The following LRRC1 variants were observed in gnomAD, a reference collection of about 807,000 sequenced individuals.
LRRC1 encodes leucine rich repeat containing 1.
Under a neutral mutation model 69.9 loss-of-function variants are expected in LRRC1, and 28 were observed. The ratio of observed to expected loss-of-function variants is 0.40; its 90% CI spans 0.30 to 0.55. LRRC1 has a LOEUF of 0.55. Among genes scored for constraint, LRRC1 ranks in the 20% least tolerant of loss-of-function variants. The pLI is 0.47. For synonymous variants in LRRC1, 236 were observed against 240.2 expected (o/e 0.98, Z 0.16); for missense variants, 498 against 609.0 (o/e 0.82, Z 1.92).
intron 9 of LRRC1, among the ~76,000 whole-genome samples, chr6:53,903,926 C>T (rs1439637075): frequency 1.3e-5 from 2 of 152,222 alleles, no homozygotes; most frequent in South Asian, 2.1e-4. Flanking sequence ...ACCTTTCTCC[C>T]ATCCCCATAG....
At chr6:53,863,880 C>T (rs1487810165) in intron 2 of LRRC1, among the ~76,000 whole-genome samples, 1 of 152,150 alleles carries the variant, frequency 6.6e-6, no homozygotes. Flanking sequence ...AACAACAGTC[C>T]TTTTAAGTAA....
At chr6:53,893,666 A>G (rs1767775550) in intron 4 of LRRC1, among the ~76,000 whole-genome samples, 1 of 152,188 alleles carries the variant, frequency 6.6e-6, no homozygotes, top group African/African-American at 2.4e-5. Flanking sequence ...AGTTCCAAGC[A>G]TTTCAGATAA....
chr6:53,879,088 C>T lies in LRRC1; in HGVS notation c.356+17C>T. The T allele has an allele frequency of 6.3e-7, 1 of 1,583,232 alleles. No homozygotes were observed. Among genetic ancestry groups the T allele is most frequent in the Non-Finnish European group, 8.7e-7 (1 of 1,153,504 alleles). ...ACTGACTAGGTAAGCTTTCTGCTTA[C>T]TTTTCTGTCTATACTAGTAAGAGTA... On this transcript the variant is annotated intron_variant, in intron 3 of 13. Coordinates refer to ENST00000370888, the MANE Select transcript of LRRC1 (RefSeq NM_018214.5).
intron 2 of LRRC1, among the ~76,000 whole-genome samples, chr6:53,867,189 A>C (rs1282231818): frequency 6.6e-6 from 1 of 151,998 alleles, no homozygotes. Flanking sequence ...GTACCTCCTT[A>C]ACGTTTTTGT....
At chr6:53,813,535 G>GTTT (rs1357228100) in intron 1 of LRRC1, among the ~76,000 whole-genome samples, 1 of 76,268 alleles carries the variant, frequency 1.3e-5, no homozygotes, top group Non-Finnish European at 2.7e-5. Context: ...CTGGCTCAGT[G>GTTT]GTTTTTTTTT....
intron 1 of LRRC1, among the ~76,000 whole-genome samples, chr6:53,826,563 TTTACTCAACTCAGAGCAAC>T (rs1765262961): frequency 6.6e-6 from 1 of 152,210 alleles, no homozygotes; most frequent in Non-Finnish European, 1.5e-5. Context: ...TTAGCAAATC[TTTACTCAACTCAGAGCAAC>T]TGTAGGACAA....
In LRRC1 at chr6:53,922,842, C is replaced by A; in HGVS notation, c.*49C>A. 6.4e-7 allele frequency: 1 copy of A among 1,572,852 alleles called. No homozygotes were observed. Among genetic ancestry groups the A allele is most frequent in the East Asian group, 2.2e-5 (1 of 44,488 alleles). On this transcript the variant is annotated 3_prime_UTR_variant, in exon 14 of 14. Transcript: ENST00000370888. ...CCTGTGTCTTCCTCTGCTGTCGAGA[C>A]GTTCCTGTCTGCTTCCCGGGAGCCT...
chr6:53,807,985 G>A (rs930262758), intron 1 of LRRC1, among the ~76,000 whole-genome samples: 8 of 152,358 alleles, frequency 5.3e-5, no homozygotes, highest in Non-Finnish European at 7.3e-5. Flanking sequence ...GGCATGGGCA[G>A]TAGGAAATCC....
intron 2 of LRRC1, among the ~76,000 whole-genome samples, chr6:53,859,615 A>G (rs1766430906): frequency 6.6e-6 from 1 of 152,160 alleles, no homozygotes; most frequent in African/African-American, 2.4e-5. Flanking sequence ...ATTTTTGCCC[A>G]GTTCAAAATT....
intron 4 of LRRC1, among the ~76,000 whole-genome samples, chr6:53,890,626 T>A (rs577948504): frequency 8.5e-5 from 13 of 152,334 alleles, no homozygotes; most frequent in African/African-American, 2.9e-4. Context: ...TGGGAATTAC[T>A]ATAAAATATT....
intron 2 of LRRC1, among the ~76,000 whole-genome samples, chr6:53,844,186 G>C (rs1173240210): frequency 6.6e-6 from 1 of 152,204 alleles, no homozygotes; most frequent in African/African-American, 2.4e-5. Flanking sequence ...TGATTGAAAT[G>C]ATTCTCTTGT....
intron 2 of LRRC1, among the ~76,000 whole-genome samples, chr6:53,856,844 T>G (rs1411799607): frequency 2.0e-5 from 3 of 152,136 alleles, no homozygotes; most frequent in African/African-American, 7.2e-5. Context: ...GGCATCTATG[T>G]CAGGGGTGGA....
At chr6:53,887,815 G>A (rs1767538464) in intron 4 of LRRC1, among the ~76,000 whole-genome samples, 1 of 152,140 alleles carries the variant, frequency 6.6e-6, no homozygotes, top group African/African-American at 2.4e-5. Flanking sequence ...ATAATTAAGT[G>A]AATGACTTTC....
At chr6:53,812,337 G>T (rs189980769) in intron 1 of LRRC1, among the ~76,000 whole-genome samples, 1 of 152,276 alleles carries the variant, frequency 6.6e-6, no homozygotes, top group Non-Finnish European at 1.5e-5. Context: ...TTTGGTGGTT[G>T]GGGGAGTGAA....
At chr6:53,903,989 C>A (rs1291855723) in intron 9 of LRRC1, among the ~76,000 whole-genome samples, 1 of 152,202 alleles carries the variant, frequency 6.6e-6, no homozygotes, top group African/African-American at 2.4e-5. Flanking sequence ...TGATTCCCTG[C>A]CCCAGTGCTC....
chr6:53,861,833 C>T (rs571571942), intron 2 of LRRC1, among the ~76,000 whole-genome samples: 9 of 151,818 alleles, frequency 5.9e-5, no homozygotes, highest in Non-Finnish European at 8.8e-5. Context: ...ATAGTTCGGG[C>T]GTGTGAGAGG....
chr6:53,800,763 C>T (rs1385854614), intron 1 of LRRC1, among the ~76,000 whole-genome samples: 3 of 151,738 alleles, frequency 2.0e-5, no homozygotes, highest in African/African-American at 7.3e-5. Context: ...TCTCAGCCCC[C>T]TGAGTAGCTG....
chr6:53,808,406 T>G (rs905641764), intron 1 of LRRC1, among the ~76,000 whole-genome samples: 5 of 152,062 alleles, frequency 3.3e-5, no homozygotes, highest in Admixed American at 3.3e-4. Flanking sequence ...GGCAGAAGTT[T>G]TTATGAGACC....
chr6:53,805,439 A>G (rs1321085743), intron 1 of LRRC1, among the ~76,000 whole-genome samples: 1 of 152,152 alleles, frequency 6.6e-6, no homozygotes, highest in Non-Finnish European at 1.5e-5. Context: ...AAGCTTGGTC[A>G]TTAACTTGTG....
Sources: gnomAD v4.1 joint callset for allele counts (sites outside exome capture counted in the v4.1 genomes callset) on GRCh38, gnomAD v4.1.1 for gene constraint, MANE v1.5 for transcripts, NCBI Gene and HGNC (gene_info 2026-07-23, HGNC 2026-07-21) for gene names.